The following SCMH1 variants were observed in gnomAD, a reference collection of about 807,000 sequenced individuals.
SCMH1 encodes the protein Scm polycomb group protein homolog 1.
In SCMH1, 37 loss-of-function variants were observed where a neutral mutation model predicts 70.8. The observed-to-expected ratio is 0.52, with a 90% CI of 0.40 to 0.69. The LOEUF is 0.69. SCMH1 is among the 30% of genes least tolerant of loss of function. The pLI is 0.00. For synonymous variants in SCMH1, 292 were observed against 307.4 expected (o/e 0.95, Z 0.52); for missense variants, 607 against 827.3 (o/e 0.73, Z 3.27).
chr1:41,135,094 T>C (rs1643056589), intron 6 of SCMH1, among the ~76,000 whole-genome samples: 1 of 152,204 alleles, frequency 6.6e-6, no homozygotes. Flanking sequence ...TCCTTTTATT[T>C]AGGATTTTAA....
At chr1:41,156,708 G>A (rs1237330118) in intron 4 of SCMH1, among the ~76,000 whole-genome samples, 1 of 152,110 alleles carries the variant, frequency 6.6e-6, no homozygotes, top group East Asian at 1.9e-4. Context: ...CAAAGTGCTG[G>A]GATTACAGGC....
At chr1:41,177,907 G>A (rs964422555) in intron 2 of SCMH1, among the ~76,000 whole-genome samples, 5 of 152,054 alleles carry the variant, frequency 3.3e-5, no homozygotes, top group Admixed American at 3.3e-4. Flanking sequence ...CATACTCCTC[G>A]AGAAGAGCAA....
chr1:41,040,149 T>C (rs1645929087), intron 12 of SCMH1, among the ~76,000 whole-genome samples: 6 of 152,100 alleles, frequency 3.9e-5, no homozygotes, highest in Non-Finnish European at 8.8e-5. Context: ...AAATATACTA[T>C]TGATATGCTG....
intron 7 of SCMH1, among the ~76,000 whole-genome samples, chr1:41,116,556 A>T (rs1363845907): frequency 6.6e-6 from 1 of 152,216 alleles, no homozygotes; most frequent in Non-Finnish European, 1.5e-5. Context: ...TAGGCAATAA[A>T]AAAAGTCTCC....
chr1:41,193,020 T>C (rs1351714263), intron 1 of SCMH1, among the ~76,000 whole-genome samples: 1 of 152,232 alleles, frequency 6.6e-6, no homozygotes, highest in African/African-American at 2.4e-5. Context: ...CAAATGAACA[T>C]GGCTATGTTC....
intron 10 of SCMH1, among the ~76,000 whole-genome samples, chr1:41,051,885 A>T (rs1648310476): frequency 6.6e-6 from 1 of 152,328 alleles, no homozygotes; most frequent in Admixed American, 6.5e-5. Context: ...TAAAGTCCAC[A>T]GTAGTGTACA....
At chr1:41,038,459 CAAG>C (rs1242106605) in intron 12 of SCMH1, among the ~76,000 whole-genome samples, 1 of 152,144 alleles carries the variant, frequency 6.6e-6, no homozygotes, top group Non-Finnish European at 1.5e-5. Flanking sequence ...TCAAAGACAT[CAAG>C]TGTTTAGGTA....
chr1:41,127,058 A>G (rs1318397416), intron 6 of SCMH1, among the ~76,000 whole-genome samples: 2 of 152,118 alleles, frequency 1.3e-5, no homozygotes, highest in Admixed American at 6.5e-5. Flanking sequence ...ATTTTTGTCA[A>G]TCTGGTAAGA....
At chr1:41,042,801 A>G (rs907951323) in intron 12 of SCMH1, among the ~76,000 whole-genome samples, 3 of 152,182 alleles carry the variant, frequency 2.0e-5, no homozygotes, top group Non-Finnish European at 4.4e-5. Context: ...CTGTCTCCCT[A>G]GAGTCTAGTA....
chr1:41,072,934 T>G (rs1431499150), intron 9 of SCMH1, among the ~76,000 whole-genome samples: 1 of 152,034 alleles, frequency 6.6e-6, no homozygotes, highest in Non-Finnish European at 1.5e-5. Flanking sequence ...TATACACTTG[T>G]AGGGGTAGGC....
intron 2 of SCMH1, among the ~76,000 whole-genome samples, chr1:41,168,479 A>G (rs562858952): frequency 1.2e-4 from 18 of 151,854 alleles, no homozygotes; most frequent in East Asian, 9.7e-4. Context: ...TTTGATGTCT[A>G]TTTGGTACTA....
chr1:41,087,475 T>TA (rs1459797928), intron 8 of SCMH1, among the ~76,000 whole-genome samples: 2 of 150,878 alleles, frequency 1.3e-5, no homozygotes, highest in African/African-American at 4.9e-5. Flanking sequence ...AAAAGACCTA[T>TA]AATCACACGG....
chr1:41,179,882 G>T (rs1648203334), intron 2 of SCMH1, among the ~76,000 whole-genome samples: 1 of 152,134 alleles, frequency 6.6e-6, no homozygotes, highest in African/African-American at 2.4e-5. Context: ...GCATCATCCT[G>T]ATACCAAAGT....
chr1:41,151,327 T>A (rs1645057945), intron 5 of SCMH1, among the ~76,000 whole-genome samples: 1 of 152,200 alleles, frequency 6.6e-6, no homozygotes, highest in Non-Finnish European at 1.5e-5. Context: ...CCTGTCCGAA[T>A]TAAGAGCTCT....
chr1:41,145,802 A>G (rs573328526), intron 5 of SCMH1, among the ~76,000 whole-genome samples: 32 of 152,238 alleles, frequency 2.1e-4, no homozygotes, highest in Non-Finnish European at 3.1e-4. Flanking sequence ...TTAAGGTCCT[A>G]GAGCAACACA....
intron 1 of SCMH1, among the ~76,000 whole-genome samples, chr1:41,232,907 G>A (rs1661587178): frequency 6.6e-6 from 1 of 151,972 alleles, no homozygotes; most frequent in African/African-American, 2.4e-5. Flanking sequence ...TTGCTTTTTC[G>A]AGCACCTAAT....
At chr1:41,177,857 G>A (rs1183110306) in intron 2 of SCMH1, among the ~76,000 whole-genome samples, 5 of 152,118 alleles carry the variant, frequency 3.3e-5, no homozygotes, top group Non-Finnish European at 7.3e-5. Flanking sequence ...AGCAAGGCAG[G>A]CCAACATTCA....
exon 15 of SCMH1, chr1:41,028,033 T>C (rs781342852): frequency 1.3e-5 from 10 of 796,332 alleles, no homozygotes; most frequent in South Asian, 1.8e-5. Context: ...GAAGGACTTA[T>C]CATGGCAGCT....
intron 8 of SCMH1, among the ~76,000 whole-genome samples, chr1:41,094,121 T>C (rs1664430255): frequency 6.6e-6 from 1 of 152,200 alleles, no homozygotes; most frequent in Non-Finnish European, 1.5e-5. Context: ...TACTTCTCAT[T>C]TCATCGCAAA....
Sources: allele counts gnomAD v4.1 joint callset (sites outside exome capture counted in the v4.1 genomes callset), GRCh38; gene constraint gnomAD v4.1.1; transcripts MANE v1.5; gene names NCBI Gene and HGNC (gene_info 2026-07-23, HGNC 2026-07-21).